Variants in UBASH3A observed in about 807,000 individuals in gnomAD.
The protein encoded by UBASH3A is ubiquitin associated and SH3 domain containing A.
UBASH3A carries 63 observed loss-of-function variants against 73.5 expected under a neutral mutation model. The observed-to-expected ratio is 0.86, with a 90% CI of 0.70 to 1.06. The LOEUF is 1.06. Among genes scored for constraint, UBASH3A ranks in the 50% least tolerant of loss-of-function variants. The probability of loss-of-function intolerance (pLI) is 0.00; values close to 1 mark genes in which losing one functional copy is unlikely to be tolerated. For missense variants in UBASH3A, 860 were observed against 859.0 expected (o/e 1.00, Z -0.02); for synonymous variants, 363 against 351.1 (o/e 1.03, Z -0.38).
intron 2 of UBASH3A, among the ~76,000 whole-genome samples, chr21:42,406,721 A>G (rs1316830595): frequency 6.7e-6 from 1 of 150,328 alleles, no homozygotes; most frequent in African/African-American, 2.5e-5. Flanking sequence ...GGTAATTGTT[A>G]GAATAAAGTA....
chr21:42,440,905 T>G (rs2053729426), intron 11 of UBASH3A, among the ~76,000 whole-genome samples: 2 of 152,258 alleles, frequency 1.3e-5, no homozygotes, highest in African/African-American at 4.8e-5. Flanking sequence ...TTGTTCGTGG[T>G]TCCTCATTAA....
intron 3 of UBASH3A, chr21:42,410,227 G>C (rs1275212951): frequency 5.7e-6 from 4 of 698,262 alleles, no homozygotes; most frequent in Non-Finnish European, 1.0e-5. Flanking sequence ...GAAGAATGTG[G>C]GAGCTGCTCA....
At chr21:42,431,227 T>A (rs2053522980) in intron 8 of UBASH3A, among the ~76,000 whole-genome samples, 1 of 151,936 alleles carries the variant, frequency 6.6e-6, no homozygotes, top group Non-Finnish European at 1.5e-5. Context: ...GCCTAGCCCC[T>A]GAGGACAGAG....
chr21:42,444,773 C>A, intron 14 of UBASH3A, 130 bp downstream of exon 14: 1 of 745,312 alleles, frequency 1.3e-6, no homozygotes, highest in South Asian at 1.6e-5. Context: ...CACGTGCCCC[C>A]GGAGACTGTG....
chr21:42,406,931 C>T (rs568859212), intron 2 of UBASH3A, among the ~76,000 whole-genome samples: 2 of 152,274 alleles, frequency 1.3e-5, no homozygotes, highest in Admixed American at 1.3e-4. Context: ...ACATAATTGA[C>T]ATCTTTGCTG....
intron 13 of UBASH3A, 117 bp from the exon 14 acceptor site, chr21:42,444,417 C>T (rs966829135): frequency 3.1e-5 from 24 of 768,830 alleles, no homozygotes; most frequent in Non-Finnish European, 5.0e-5. Flanking sequence ...CCGGGGGTCT[C>T]GCCAGGCTTC....
intron 1 of UBASH3A, chr21:42,404,306 C>G (rs2052924650): frequency 2.9e-6 from 1 of 339,164 alleles, no homozygotes; most frequent in African/African-American, 2.1e-5. Context: ...CATCCCACCT[C>G]AGCCTCCTAA....
intron 2 of UBASH3A, among the ~76,000 whole-genome samples, chr21:42,406,913 G>C (rs1159013945): frequency 6.6e-6 from 1 of 152,186 alleles, no homozygotes; most frequent in Non-Finnish European, 1.5e-5. Flanking sequence ...TTGATGGAAA[G>C]ATTTGAGACA....
intron 12 of UBASH3A, chr21:42,443,051 G>A (rs2146610340): frequency 1.7e-6 from 2 of 1,145,454 alleles, no homozygotes; most frequent in Admixed American, 3.6e-5. Flanking sequence ...GTCAAGGAGA[G>A]AGTCTTTGTC....
intron 5 of UBASH3A, among the ~76,000 whole-genome samples, chr21:42,416,225 G>C (rs139738520): frequency 1.3e-5 from 2 of 151,956 alleles, no homozygotes; most frequent in East Asian, 3.9e-4. Flanking sequence ...ATAGGCCCCC[G>C]AGACCCTGAA....
intron 9 of UBASH3A, among the ~76,000 whole-genome samples, chr21:42,433,542 G>A (rs894989216): frequency 6.6e-6 from 1 of 152,160 alleles, no homozygotes; most frequent in African/African-American, 2.4e-5. Flanking sequence ...CACAGCTGAA[G>A]TGTCAATGAC....
intron 7 of UBASH3A, 82 bp from the exon 8 acceptor site, chr21:42,426,615 T>C: frequency 6.5e-7 from 1 of 1,527,986 alleles, no homozygotes; most frequent in Non-Finnish European, 8.9e-7. Context: ...CATTCTCAAG[T>C]ACATACATGA....
intron 11 of UBASH3A, 121 bp downstream of exon 11, chr21:42,437,701 C>A: frequency 1.1e-6 from 1 of 881,364 alleles, no homozygotes; most frequent in Non-Finnish European, 1.8e-6. Context: ...ACACCAAAGT[C>A]ATCAGGCAAG....
chr21:42,434,502 A>T (rs114957829), intron 9 of UBASH3A, among the ~76,000 whole-genome samples: 2 of 152,196 alleles, frequency 1.3e-5, no homozygotes, highest in Non-Finnish European at 2.9e-5. Flanking sequence ...GTTACACTAA[A>T]CTAGTCATAG....
chr21:42,420,783 G>A (rs1360917761), intron 7 of UBASH3A, among the ~76,000 whole-genome samples: 5 of 152,068 alleles, frequency 3.3e-5, no homozygotes, highest in African/African-American at 1.2e-4. Flanking sequence ...AAAAAAAAAT[G>A]CCTTCCAACT....
rs529202353 is a variant in UBASH3A at position 42,447,155 on chromosome 21, C to T, written c.1947C>T (p.Asn649=). ...PPVKTLTHGA[N]AAFNWRNWIS... ...TGAAGACCCTGACCCACGGGGCGAA[C>T]GCAGCATTTAACTGGAGGAACTGGA... Residue 649 remains asparagine (N), a synonymous_variant, in exon 15 of 15, where the codon AAC becomes AAT. Coordinates refer to ENST00000319294, the MANE Select transcript of UBASH3A (RefSeq NM_018961.4). The T allele has an allele frequency of 2.2e-5, 36 of 1,614,084 alleles. No individual in the cohort carries two copies. The highest frequency in any genetic ancestry group is 1.1e-4 in the South Asian group (10 of 91,074).
chr21:42,430,395 T>C (rs2053507059), intron 8 of UBASH3A, among the ~76,000 whole-genome samples: 1 of 151,994 alleles, frequency 6.6e-6, no homozygotes. Flanking sequence ...CTGGGGCTGG[T>C]GTATGAGGGT....
intron 7 of UBASH3A, among the ~76,000 whole-genome samples, chr21:42,423,931 G>A (rs1157782345): frequency 6.6e-6 from 1 of 152,154 alleles, no homozygotes; most frequent in Admixed American, 6.5e-5. Context: ...CAGTGAGGCA[G>A]ATGACGGGAG....
chr21:42,422,188 A>G (rs1422515042), intron 7 of UBASH3A, among the ~76,000 whole-genome samples: 1 of 152,212 alleles, frequency 6.6e-6, no homozygotes, highest in East Asian at 1.9e-4. Flanking sequence ...TCTTGAGGCC[A>G]TTTAACTTCT....
Sources: allele counts gnomAD v4.1 joint callset (sites outside exome capture counted in the v4.1 genomes callset), GRCh38; gene constraint gnomAD v4.1.1; transcripts MANE v1.5; gene names NCBI Gene and HGNC (gene_info 2026-07-23, HGNC 2026-07-21).